WWOX: variants seen among roughly 807,000 people sequenced by gnomAD.
The protein encoded by WWOX is WW domain-containing oxidoreductase.
A neutral mutation model predicts 46.2 loss-of-function variants in WWOX; 69 were observed. That is an observed-to-expected ratio of 1.49 (90% CI 1.23 to 1.82). WWOX has a LOEUF of 1.82. Among genes scored for constraint, WWOX ranks in the 40% most tolerant of loss-of-function variants. WWOX has a pLI of 0.00. For synonymous variants in WWOX, 359 were observed against 202.6 expected, an observed-to-expected ratio of 1.77 and a Z score of -6.56; for missense variants, 919 against 542.6, an observed-to-expected ratio of 1.69 and a Z score of -6.89.
At chr16:78,212,247 G>T (rs1044720754) in intron 5 of WWOX, among the ~76,000 whole-genome samples, 10 of 152,212 alleles carry the variant, frequency 6.6e-5, no homozygotes, top group Non-Finnish European at 1.5e-4. Flanking sequence ...GAAAAGGGGG[G>T]ATTGATTTCT....
At chr16:79,019,231 A>T (rs35859178) in intron 8 of WWOX, among the ~76,000 whole-genome samples, 3 of 144,662 alleles carry the variant, frequency 2.1e-5, no homozygotes, top group East Asian at 4.1e-4. Context: ...TGTGTCACTT[A>T]GCAGTGGGGA....
At chr16:78,858,596 G>C (rs1285837413) in intron 8 of WWOX, among the ~76,000 whole-genome samples, 1 of 152,016 alleles carries the variant, frequency 6.6e-6, no homozygotes, top group Non-Finnish European at 1.5e-5. Flanking sequence ...CACGGAGTGT[G>C]GCTTAGGAGC....
intron 8 of WWOX, among the ~76,000 whole-genome samples, chr16:78,649,885 T>C (rs931395174): frequency 6.6e-6 from 1 of 152,192 alleles, no homozygotes; most frequent in Admixed American, 6.5e-5. Flanking sequence ...TAAGGCACAG[T>C]AGTGGAAGCA....
intron 4 of WWOX, among the ~76,000 whole-genome samples, chr16:78,138,251 A>G (rs1367722912): frequency 6.6e-6 from 1 of 150,890 alleles, no homozygotes; most frequent in African/African-American, 2.4e-5. Flanking sequence ...TGTGTGTTCA[A>G]TGACTTACCT....
intron 8 of WWOX, among the ~76,000 whole-genome samples, chr16:79,066,912 A>C (rs892148920): frequency 1.3e-5 from 2 of 152,208 alleles, no homozygotes; most frequent in Non-Finnish European, 2.9e-5. Context: ...CTACCATTGC[A>C]GTCGAAGACA....
At chr16:79,096,586 C>A (rs941180946) in intron 8 of WWOX, among the ~76,000 whole-genome samples, 2 of 152,144 alleles carry the variant, frequency 1.3e-5, no homozygotes, top group Non-Finnish European at 2.9e-5. Context: ...AGCAATCTTC[C>A]TTCTCCATCC....
At chr16:78,837,669 C>T (rs944909922) in intron 8 of WWOX, among the ~76,000 whole-genome samples, 1 of 151,996 alleles carries the variant, frequency 6.6e-6, no homozygotes, top group Non-Finnish European at 1.5e-5. Flanking sequence ...TATCTTATAC[C>T]AAGAAAGAGG....
intron 8 of WWOX, among the ~76,000 whole-genome samples, chr16:78,704,530 G>A (rs1383687700): frequency 6.6e-6 from 1 of 152,164 alleles, no homozygotes; most frequent in Non-Finnish European, 1.5e-5. Context: ...CTTAGTATCT[G>A]TTGCAGCTCT....
chr16:78,328,820 A>C (rs1308041724), intron 5 of WWOX, among the ~76,000 whole-genome samples: 2 of 93,570 alleles, frequency 2.1e-5, no homozygotes, highest in Admixed American at 1.1e-4. Context: ...CCTTTTGCCG[A>C]TGTGTTTTTC....
chr16:78,128,994 T>C (rs1249441059), intron 4 of WWOX, among the ~76,000 whole-genome samples: 1 of 151,904 alleles, frequency 6.6e-6, no homozygotes, highest in Non-Finnish European at 1.5e-5. Flanking sequence ...GATTGAGTGT[T>C]TGACAAGGTA....
At position 78,223,866 on chromosome 16, in the gene WWOX, A is replaced by T. The variant is rs116334070; in HGVS notation, c.516+59577A>T. Among the ~76,000 whole-genome samples the T allele has an allele frequency of 4.4e-3, 668 of 152,306 alleles. 5 individuals carry two copies. Among genetic ancestry groups the T allele is most frequent in the African/African-American group, 0.015 (624 of 41,570 alleles). ...TGTCAAGACTATATTCATAGAATCC[A>T]TATGTCTAAGGTGGGGAAGTTGTCA... On this transcript the variant is annotated intron_variant, in intron 5 of 8. Transcript: ENST00000566780.
intron 8 of WWOX, among the ~76,000 whole-genome samples, chr16:78,712,911 T>C (rs527933423): frequency 6.8e-4 from 104 of 152,086 alleles, no homozygotes; most frequent in South Asian, 1.9e-3. Flanking sequence ...ATGTTGAAAA[T>C]TTTTCATAAG....
chr16:78,960,298 T>G (rs2046248592), intron 8 of WWOX, among the ~76,000 whole-genome samples: 1 of 152,172 alleles, frequency 6.6e-6, no homozygotes, highest in Non-Finnish European at 1.5e-5. Flanking sequence ...AGGACTAGGC[T>G]TCATATTTTC....
intron 5 of WWOX, among the ~76,000 whole-genome samples, chr16:78,306,341 G>A (rs2080134789): frequency 6.6e-6 from 1 of 152,088 alleles, no homozygotes; most frequent in Non-Finnish European, 1.5e-5. Flanking sequence ...TCCATGGGTT[G>A]TTATGTGTTA....
At chr16:78,916,176 C>A (rs573760392) in intron 8 of WWOX, among the ~76,000 whole-genome samples, 2 of 152,204 alleles carry the variant, frequency 1.3e-5, no homozygotes, top group Non-Finnish European at 2.9e-5. Flanking sequence ...CCTAAACACG[C>A]TGCACAAGGA....
rs537488301 is a variant in WWOX, at chr16:78,260,383, C to T, written c.516+96094C>T. ...GATAAATTCACAAAAATGTAAGGCT[C>T]ATTTACATTACAGGCTCAGGCCTGT... is the stretch of plus-strand genomic sequence containing the variant. On this transcript the variant is annotated intron_variant, in intron 5 of 8. Coordinates refer to ENST00000566780, the MANE Select transcript of WWOX (RefSeq NM_016373.4). Among the ~76,000 whole-genome samples the T allele has an allele frequency of 2.0e-5, 3 of 151,764 alleles. No homozygotes were observed. In the East Asian group the frequency reaches 5.8e-4, roughly 29 times the overall value.
At chr16:78,860,911 G>A (rs79102351) in intron 8 of WWOX, among the ~76,000 whole-genome samples, 3 of 152,136 alleles carry the variant, frequency 2.0e-5, no homozygotes, top group South Asian at 2.1e-4. Flanking sequence ...AACCTCCCAG[G>A]CCCAGGTGAT....
intron 8 of WWOX, among the ~76,000 whole-genome samples, chr16:79,195,423 G>C (rs983270154): frequency 6.6e-6 from 1 of 152,190 alleles, no homozygotes; most frequent in African/African-American, 2.4e-5. Flanking sequence ...CCTGGAGTGC[G>C]TGTTGCTTTG....
intron 5 of WWOX, among the ~76,000 whole-genome samples, chr16:78,307,343 A>G (rs1460329345): frequency 6.6e-6 from 1 of 152,116 alleles, no homozygotes; most frequent in African/African-American, 2.4e-5. Context: ...GACTTTGGAG[A>G]TGTGATCAAG....
Sources: allele counts gnomAD v4.1 joint callset (sites outside exome capture counted in the v4.1 genomes callset), GRCh38; gene constraint gnomAD v4.1.1; transcripts MANE v1.5; gene names NCBI Gene and HGNC (gene_info 2026-07-23, HGNC 2026-07-21).